GOLM2: variants seen among roughly 807,000 people sequenced by gnomAD.
GOLM2 encodes the protein golgi membrane protein 2.
GOLM2 carries 26 observed loss-of-function variants against 55.9 expected under a neutral mutation model. That is an observed-to-expected ratio of 0.47 (90% CI 0.34 to 0.65). The LOEUF is 0.65. GOLM2 is among the 30% of genes least tolerant of loss of function. The probability of loss-of-function intolerance (pLI) is 0.01; values close to 1 mark genes in which losing one functional copy is unlikely to be tolerated. For synonymous variants in GOLM2, 165 were observed against 194.6 expected (o/e 0.85, Z 1.27); for missense variants, 486 against 531.8 (o/e 0.91, Z 0.85).
intron 6 of GOLM2, among the ~76,000 whole-genome samples, chr15:44,369,190 G>A (rs1277283171): frequency 1.6e-5 from 2 of 121,308 alleles, no homozygotes; most frequent in Non-Finnish European, 3.2e-5. Flanking sequence ...AGATATGTGT[G>A]TGTATATATA....
intron 1 of GOLM2, among the ~76,000 whole-genome samples, chr15:44,296,045 T>G (rs2078754586): frequency 1.3e-5 from 2 of 152,128 alleles, no homozygotes; most frequent in South Asian, 4.1e-4. Flanking sequence ...TCTCTCTCTC[T>G]TTGTCTTTTA....
intron 8 of GOLM2, among the ~76,000 whole-genome samples, chr15:44,388,493 G>C (rs2079463842): frequency 6.6e-6 from 1 of 152,088 alleles, no homozygotes; most frequent in Non-Finnish European, 1.5e-5. Flanking sequence ...AGGCAACATG[G>C]TGAAACCCCG....
chr15:44,372,528 T>G (rs1292818329), intron 6 of GOLM2, among the ~76,000 whole-genome samples: 1 of 152,236 alleles, frequency 6.6e-6, no homozygotes, highest in African/African-American at 2.4e-5. Context: ...TGTAAGCATC[T>G]TACCAGTTTC....
intron 6 of GOLM2, among the ~76,000 whole-genome samples, chr15:44,373,417 A>T (rs1410306398): frequency 6.7e-6 from 1 of 149,810 alleles, no homozygotes; most frequent in Admixed American, 6.7e-5. Context: ...AGTTCGTGCC[A>T]CTGCACTCCA....
chr15:44,409,300 A>G (rs551468733), intron 9 of GOLM2, among the ~76,000 whole-genome samples: 27 of 150,884 alleles, frequency 1.8e-4, no homozygotes, highest in Middle Eastern at 3.4e-3. Flanking sequence ...AAAAAGCCCA[A>G]AAAGTGGCTG....
chr15:44,327,695 T>C, intron 2 of GOLM2, among the ~76,000 whole-genome samples: 1 of 152,238 alleles, frequency 6.6e-6, no homozygotes, highest in Non-Finnish European at 1.5e-5. Flanking sequence ...ATTCACTCTT[T>C]TCCGCCTGCA....
intron 8 of GOLM2, among the ~76,000 whole-genome samples, chr15:44,396,455 A>G (rs2079527689): frequency 6.6e-6 from 1 of 152,202 alleles, no homozygotes; most frequent in East Asian, 1.9e-4. Flanking sequence ...TACCTTCCCA[A>G]TAAAACTCAC....
chr15:44,413,343 A>T lies in GOLM2; in HGVS notation c.1248A>T (p.Glu416Asp). 6.2e-7 allele frequency: 1 copy of T among 1,609,124 alleles called. No homozygotes were observed. The highest frequency in any genetic ancestry group is 8.5e-7 in the Non-Finnish European group (1 of 1,177,438). The change falls in exon 10 of 10, where the codon GAA (glutamate) becomes GAT (aspartate). Residue 416 changes from glutamate (E) to aspartate (D), a missense_variant. Glu to Asp is a conservative substitution (Grantham distance 45). Transcript: ENST00000299957. ...AAATTATTTTACTTACAGATGATGAAGAACGAGAGCTTCAAATGGATCCTG... is the reference window on the plus strand; with the variant it reads ...AAATTATTTTACTTACAGATGATGATGAACGAGAGCTTCAAATGGATCCTG... Reference protein sequence around the residue: ...DGGEEDVQDDEERELQMDPAD... With the variant: ...DGGEEDVQDDDERELQMDPAD...
At chr15:44,370,572 G>A (rs1419446941) in intron 6 of GOLM2, among the ~76,000 whole-genome samples, 1 of 152,106 alleles carries the variant, frequency 6.6e-6, no homozygotes, top group East Asian at 1.9e-4. Flanking sequence ...TAAGAGCGTG[G>A]TCCCTACTCT....
intron 6 of GOLM2, among the ~76,000 whole-genome samples, chr15:44,350,303 A>G (rs1428700277): frequency 2.6e-5 from 4 of 152,192 alleles, no homozygotes; most frequent in African/African-American, 9.6e-5. Flanking sequence ...TGCAATAGAT[A>G]CTGCAGAAAT....
chr15:44,370,065 G>C (rs2079320038), intron 6 of GOLM2, among the ~76,000 whole-genome samples: 1 of 152,138 alleles, frequency 6.6e-6, no homozygotes, highest in East Asian at 1.9e-4. Flanking sequence ...AGCTAGGCCA[G>C]TCTCACCTTT....
intron 3 of GOLM2, among the ~76,000 whole-genome samples, chr15:44,329,234 G>A (rs1303040049): frequency 6.6e-6 from 1 of 152,152 alleles, no homozygotes; most frequent in Non-Finnish European, 1.5e-5. Context: ...TCTACACTTG[G>A]TGATGAGGTT....
rs1371256717 is a variant in GOLM2 at position 44,407,156 on chromosome 15, T to TATATTTCTATTATATATTTATAAC, written c.1240+4120_1240+4143dup. Among the ~76,000 whole-genome samples the TATATTTCTATTATATATTTATAAC allele has an allele frequency of 7.5e-5, 11 of 146,754 alleles. No individual in the cohort carries two copies. The East Asian group carries it at 2.1e-3, about 29-fold the overall frequency. ...TATATAAATGGTTATATATTTATAA[T>TATATTTCTATTATATATTTATAAC]ATATTTCTATTATATATTTATAACA... is the stretch of plus-strand genomic sequence containing the variant. On this transcript the variant is annotated intron_variant, in intron 9 of 9. Coordinates refer to ENST00000299957, the MANE Select transcript of GOLM2 (RefSeq NM_138423.4).
At chr15:44,362,641 C>G (rs1402399843) in intron 6 of GOLM2, among the ~76,000 whole-genome samples, 1 of 152,070 alleles carries the variant, frequency 6.6e-6, no homozygotes, top group African/African-American at 2.4e-5. Context: ...AGATTCAATG[C>G]CATCCCCATC....
rs565236139 is a variant in GOLM2 at position 44,412,985 on chromosome 15, G to A, written c.1241-351G>A. Among the ~76,000 whole-genome samples the A allele has an allele frequency of 4.9e-4, 74 of 151,306 alleles. No homozygotes were observed. In the South Asian group the frequency reaches 9.8e-3, roughly 20 times the overall value. On this transcript the variant is annotated intron_variant, in intron 9 of 9. Coordinates refer to ENST00000299957, the MANE Select transcript of GOLM2 (RefSeq NM_138423.4). Reference sequence around the variant, plus strand: ...ACCACTGCACTCCAGCCTAGGCAACGGAGTGAGAGTCGGTCTCAAAAAAAA... The same window carrying A: ...ACCACTGCACTCCAGCCTAGGCAACAGAGTGAGAGTCGGTCTCAAAAAAAA...
chr15:44,348,295 A>G (rs889711088), intron 6 of GOLM2, among the ~76,000 whole-genome samples: 11 of 151,378 alleles, frequency 7.3e-5, no homozygotes, highest in African/African-American at 9.7e-5. Context: ...CTGGACCTAC[A>G]CTATGCTAGA....
chr15:44,375,783 A>T (rs761429728), intron 6 of GOLM2, among the ~76,000 whole-genome samples: 2 of 152,216 alleles, frequency 1.3e-5, no homozygotes, highest in Non-Finnish European at 2.9e-5. Context: ...TTCTCAAAAA[A>T]ATTAAAAAAA....
chr15:44,411,656 A>G (rs894156582), intron 9 of GOLM2, among the ~76,000 whole-genome samples: 1 of 151,878 alleles, frequency 6.6e-6, no homozygotes, highest in Non-Finnish European at 1.5e-5. Context: ...CCTGGCCAAC[A>G]TGGTGAAACT....
chr15:44,338,426 C>G (rs78798765), intron 6 of GOLM2, 109 bp downstream of exon 6: 9 of 753,482 alleles, frequency 1.2e-5, no homozygotes, highest in Non-Finnish European at 1.9e-5. Flanking sequence ...TCTGGATGAT[C>G]GATATTTCTA....
Sources: gnomAD v4.1 joint callset for allele counts (sites outside exome capture counted in the v4.1 genomes callset) on GRCh38, gnomAD v4.1.1 for gene constraint, MANE v1.5 for transcripts, NCBI Gene and HGNC (gene_info 2026-07-23, HGNC 2026-07-21) for gene names.